Variants in MITF observed in about 807,000 individuals in gnomAD.
MITF encodes the protein melanocyte inducing transcription factor.
Under a neutral mutation model 60.5 loss-of-function variants are expected in MITF, and 17 were observed. The observed-to-expected ratio is 0.28, with a 90% CI of 0.19 to 0.42. The LOEUF (loss-of-function observed/expected upper bound fraction) is 0.42, where lower values mean the gene tolerates loss of function less well. MITF is among the 10% of genes least tolerant of loss of function. The pLI is 1.00. For synonymous variants in MITF, 260 were observed against 248.5 expected (o/e 1.05, Z -0.43); for missense variants, 622 against 683.5 (o/e 0.91, Z 1.00).
intron 1 of MITF, among the ~76,000 whole-genome samples, chr3:69,798,652 C>T (rs112006224): frequency 6.6e-6 from 1 of 152,252 alleles, no homozygotes. Context: ...CCTTCCCCCT[C>T]TGTTTCTATA....
intron 2 of MITF, among the ~76,000 whole-genome samples, chr3:69,899,679 A>G (rs931667007): frequency 5.9e-5 from 9 of 152,150 alleles, no homozygotes; most frequent in African/African-American, 1.9e-4. Context: ...GCAGAAGAAC[A>G]TGAAGGTTTC....
chr3:69,838,948 C>T (rs2063582545), intron 1 of MITF, among the ~76,000 whole-genome samples: 1 of 152,150 alleles, frequency 6.6e-6, no homozygotes, highest in African/African-American at 2.4e-5. Flanking sequence ...ATGAACCTTT[C>T]TTTTCAAGAG....
Position 69,868,769 on chromosome 3 carries a change from C to T in MITF, c.105-10365C>T, listed in dbSNP as rs147695485. Among the ~76,000 whole-genome samples, 181 of 151,920 alleles carry T rather than the reference C, an allele frequency of 1.2e-3. 3 individuals are homozygous for T. The highest frequency in any genetic ancestry group is 4.1e-3 in the African/African-American group (168 of 41,418). On this transcript the variant is annotated intron_variant, in intron 1 of 9. Coordinates refer to ENST00000352241, the MANE Select transcript of MITF (RefSeq NM_001354604.2). ...CAAAAATTAGCCAGGCATGGTGTCC[C>T]GGGCCTATAAACCCAGCTACTATGG...
chr3:69,955,379 T>C (rs1352034227), intron 7 of MITF, among the ~76,000 whole-genome samples: 2 of 152,250 alleles, frequency 1.3e-5, no homozygotes, highest in Non-Finnish European at 2.9e-5. Flanking sequence ...ATTTCATGTC[T>C]TTCTTTTTAC....
intron 2 of MITF, among the ~76,000 whole-genome samples, chr3:69,900,958 G>A (rs192499385): frequency 6.6e-6 from 1 of 152,196 alleles, no homozygotes; most frequent in Non-Finnish European, 1.5e-5. Context: ...ACCAGAAGCT[G>A]TCCTATGTTC....
At chr3:69,747,297 G>C (rs1411706095) in intron 1 of MITF, among the ~76,000 whole-genome samples, 1 of 152,234 alleles carries the variant, frequency 6.6e-6, no homozygotes, top group Non-Finnish European at 1.5e-5. Context: ...GGTAGAATGG[G>C]CCTATGAAAG....
chr3:69,840,314 A>G (rs946135628), intron 1 of MITF, among the ~76,000 whole-genome samples: 1 of 152,160 alleles, frequency 6.6e-6, no homozygotes, highest in Non-Finnish European at 1.5e-5. Flanking sequence ...GTTTGAGAAA[A>G]TTAATTGCCC....
At chr3:69,820,680 A>C (rs188238178) in intron 1 of MITF, among the ~76,000 whole-genome samples, 39 of 152,324 alleles carry the variant, frequency 2.6e-4, no homozygotes, top group Middle Eastern at 3.4e-3. Flanking sequence ...GTTGGGATCC[A>C]TGAATGGAAT....
chr3:69,766,844 A>G (rs1297021586), intron 1 of MITF, among the ~76,000 whole-genome samples: 1 of 152,152 alleles, frequency 6.6e-6, no homozygotes, highest in Non-Finnish European at 1.5e-5. Context: ...TTAGTGCATC[A>G]GGCTCCCATG....
intron 2 of MITF, among the ~76,000 whole-genome samples, chr3:69,911,792 GA>G (rs2065230981): frequency 1.3e-5 from 2 of 152,186 alleles, no homozygotes. Context: ...GAGAGAAAAG[GA>G]AATCAGAACC....
At chr3:69,786,373 G>A (rs1256925074) in intron 1 of MITF, among the ~76,000 whole-genome samples, 3 of 152,212 alleles carry the variant, frequency 2.0e-5, no homozygotes, top group African/African-American at 7.2e-5. Context: ...CAGTAAATGA[G>A]TATGAAGTCC....
chr3:69,952,589 A>T (rs1576037821), intron 7 of MITF, among the ~76,000 whole-genome samples: 1 of 152,086 alleles, frequency 6.6e-6, no homozygotes, highest in East Asian at 1.9e-4. Context: ...TAAGAATGTG[A>T]GTCATATATA....
At chr3:69,951,562 T>A (rs184914351) in intron 6 of MITF, among the ~76,000 whole-genome samples, 1 of 152,182 alleles carries the variant, frequency 6.6e-6, no homozygotes, top group African/African-American at 2.4e-5. Context: ...GTGCTATATA[T>A]AATTTTTACC....
At chr3:69,799,994 T>G (rs1218300230) in intron 1 of MITF, among the ~76,000 whole-genome samples, 3 of 152,240 alleles carry the variant, frequency 2.0e-5, no homozygotes, top group African/African-American at 7.2e-5. Flanking sequence ...CATTTTAACA[T>G]GTACACTTCA....
rs180670771 is a variant in MITF at position 69,890,724 on chromosome 3, T to C, written c.354+11341T>C. Among the ~76,000 whole-genome samples, 5 of 152,300 alleles carry C rather than the reference T, an allele frequency of 3.3e-5. No individual in the cohort carries two copies. In the East Asian group the frequency reaches 5.8e-4, roughly 18 times the overall value. On this transcript the variant is annotated intron_variant, in intron 2 of 9. Transcript: ENST00000352241. ...AGTAATTCATTAGATAACCAAGTTTTCTGTTTTGATAGTAATTTTCAACCG... is the reference window on the plus strand; with the variant it reads ...AGTAATTCATTAGATAACCAAGTTTCCTGTTTTGATAGTAATTTTCAACCG...
chr3:69,954,633 A>G (rs2066351367), intron 7 of MITF, among the ~76,000 whole-genome samples: 1 of 152,132 alleles, frequency 6.6e-6, no homozygotes, highest in Non-Finnish European at 1.5e-5. Context: ...TATGATTATT[A>G]TGTGCTTGGA....
intron 1 of MITF, among the ~76,000 whole-genome samples, chr3:69,811,409 G>C (rs1457317795): frequency 6.6e-6 from 1 of 152,166 alleles, no homozygotes; most frequent in African/African-American, 2.4e-5. Context: ...CTGCCACAGT[G>C]CATCTCTGTC....
rs899753263 is a variant in MITF, at chr3:69,763,755, C to T, written c.104+24054C>T. 5.9e-6 allele frequency: 8 copies of T among 1,359,174 alleles called. No homozygotes were observed. The African/African-American group carries it at 7.4e-5, about 13-fold the overall frequency. 84.2% of individuals were successfully genotyped at this position (1,359,174 alleles called of 1,614,324 possible). A position where few individuals can be genotyped will look rare whatever the true frequency, so the allele number is the denominator to read the frequency against. ...CAGTCGAGTTTGGTGTGATTGTCCT[C>T]TCCTTTTGCTTCTGACCTAAGTAAA... On this transcript the variant is annotated intron_variant, in intron 1 of 9. Transcript: ENST00000352241.
chr3:69,896,181 T>C (rs925278993), intron 2 of MITF, among the ~76,000 whole-genome samples: 2 of 152,194 alleles, frequency 1.3e-5, no homozygotes, highest in Non-Finnish European at 2.9e-5. Context: ...GAAAATCCTT[T>C]TGGTTCATTT....
Sources: gnomAD v4.1 joint callset for allele counts (sites outside exome capture counted in the v4.1 genomes callset) on GRCh38, gnomAD v4.1.1 for gene constraint, MANE v1.5 for transcripts, NCBI Gene and HGNC (gene_info 2026-07-23, HGNC 2026-07-21) for gene names.